PALLD: variants seen among roughly 807,000 people sequenced by gnomAD.
The protein encoded by PALLD is palladin.
Under a neutral mutation model 123.5 loss-of-function variants are expected in PALLD, and 61 were observed. That is an observed-to-expected ratio of 0.49 (90% confidence interval 0.40 to 0.61). The LOEUF is 0.61. Among genes scored for constraint, PALLD ranks in the 20% least tolerant of loss-of-function variants. The pLI is 0.00. For synonymous variants in PALLD, 465 were observed against 496.4 expected, an observed-to-expected ratio of 0.94 and a Z score of 0.84; for missense variants, 1,273 against 1,377.0, an observed-to-expected ratio of 0.92 and a Z score of 1.20.
At chr4:168,822,450 G>A (rs1742861673) in intron 10 of PALLD, among the ~76,000 whole-genome samples, 1 of 152,158 alleles carries the variant, frequency 6.6e-6, no homozygotes, top group Non-Finnish European at 1.5e-5. Flanking sequence ...CTGTGTAAAG[G>A]AGAGACTGGG....
intron 10 of PALLD, among the ~76,000 whole-genome samples, chr4:168,788,636 C>T (rs770060115): frequency 1.3e-4 from 20 of 152,028 alleles, no homozygotes; most frequent in Admixed American, 2.6e-4. Context: ...GGGTGATAAT[C>T]ATGTGTCATG....
intron 10 of PALLD, among the ~76,000 whole-genome samples, chr4:168,734,018 G>A (rs910895723): frequency 6.6e-6 from 1 of 152,176 alleles, no homozygotes; most frequent in Non-Finnish European, 1.5e-5. Flanking sequence ...TACAGGCGTT[G>A]AGCCACCACG....
chr4:168,529,387 T>A (rs933071679), intron 2 of PALLD, among the ~76,000 whole-genome samples: 3 of 151,706 alleles, frequency 2.0e-5, no homozygotes, highest in African/African-American at 7.3e-5. Context: ...ACTCCCTCCC[T>A]CAGTCATGTA....
chr4:168,522,738 T>C (rs1211625335), intron 2 of PALLD, among the ~76,000 whole-genome samples: 2 of 152,194 alleles, frequency 1.3e-5, no homozygotes, highest in African/African-American at 4.8e-5. Flanking sequence ...GTTCTACCAG[T>C]TGGTGTTTGA....
At chr4:168,870,278 C>A (rs1202805254) in intron 10 of PALLD, among the ~76,000 whole-genome samples, 1 of 152,152 alleles carries the variant, frequency 6.6e-6, no homozygotes, top group Non-Finnish European at 1.5e-5. Context: ...TTTTGAGACA[C>A]ACAAAACCTA....
chr4:168,673,975 C>T (rs372913543), intron 3 of PALLD, among the ~76,000 whole-genome samples: 3 of 151,938 alleles, frequency 2.0e-5, no homozygotes, highest in East Asian at 1.9e-4. Flanking sequence ...AGTGTAATGC[C>T]GCGATCTCGG....
intron 10 of PALLD, among the ~76,000 whole-genome samples, chr4:168,728,440 A>G (rs929986295): frequency 5.9e-5 from 9 of 152,130 alleles, no homozygotes; most frequent in Non-Finnish European, 1.3e-4. Flanking sequence ...CTGTATTCCT[A>G]GGTATTTTAT....
intron 10 of PALLD, among the ~76,000 whole-genome samples, chr4:168,807,990 G>A (rs113364889): frequency 0.21 from 32,343 of 151,888 alleles, 3,495 homozygotes; most frequent in South Asian, 0.28. Flanking sequence ...ACAGGTGTGA[G>A]CCACTGTGCC....
chr4:168,748,713 G>T (rs1189900840), intron 10 of PALLD, among the ~76,000 whole-genome samples: 1 of 152,130 alleles, frequency 6.6e-6, no homozygotes, highest in Non-Finnish European at 1.5e-5. Context: ...GTTATTAGCA[G>T]AGTGCATTTC....
intron 1 of PALLD, among the ~76,000 whole-genome samples, chr4:168,509,157 A>G (rs183449230): frequency 2.0e-4 from 30 of 152,280 alleles, no homozygotes; most frequent in African/African-American, 7.0e-4. Context: ...TGCAAATTAT[A>G]CTGGTGCATA....
chr4:168,562,449 T>A (rs1767962099), intron 2 of PALLD, among the ~76,000 whole-genome samples: 1 of 152,242 alleles, frequency 6.6e-6, no homozygotes, highest in Non-Finnish European at 1.5e-5. Context: ...CAAGTTTATG[T>A]GCTGGCAAGA....
chr4:168,814,607 C>A (rs111974915), intron 10 of PALLD, among the ~76,000 whole-genome samples: 1 of 152,308 alleles, frequency 6.6e-6, no homozygotes, highest in African/African-American at 2.4e-5. Flanking sequence ...GAGTGCAGGT[C>A]TCTAAGCCAA....
intron 6 of PALLD, among the ~76,000 whole-genome samples, chr4:168,689,192 T>G (rs1158911291): frequency 6.6e-6 from 1 of 152,218 alleles, no homozygotes; most frequent in East Asian, 1.9e-4. Flanking sequence ...GCCAATGTCA[T>G]AGGTTTTAGA....
At chr4:168,568,769 A>G (rs979778041) in intron 2 of PALLD, among the ~76,000 whole-genome samples, 1 of 150,432 alleles carries the variant, frequency 6.6e-6, no homozygotes, top group Non-Finnish European at 1.5e-5. Flanking sequence ...TTATATGTAA[A>G]TATTTATATA....
At position 168,635,229 on chromosome 4, in the gene PALLD, A is replaced by G. The variant is rs142573590; in HGVS notation, c.909-32961A>G. ...TTTTGCTCAACCTCCTAAGGGTTCAATATACCCTACGATTAATAATGGGGC... is the reference window on the plus strand; with the variant it reads ...TTTTGCTCAACCTCCTAAGGGTTCAGTATACCCTACGATTAATAATGGGGC... On this transcript the variant is annotated intron_variant, in intron 2 of 21. Coordinates refer to ENST00000505667, the MANE Select transcript of PALLD (RefSeq NM_001166108.2). Among the ~76,000 whole-genome samples, 264 of 152,322 alleles carry G rather than the reference A, an allele frequency of 1.7e-3. 1 individual carries two copies. Among genetic ancestry groups the G allele is most frequent in the African/African-American group, 4.1e-3 (172 of 41,576 alleles).
At chr4:168,903,572 T>C (rs558242075) in intron 14 of PALLD, among the ~76,000 whole-genome samples, 185 bp from the exon 15 acceptor site, 10 of 152,270 alleles carry the variant, frequency 6.6e-5, no homozygotes, top group Non-Finnish European at 1.2e-4. Flanking sequence ...AAAACTCAAA[T>C]AGAATTTAAA....
intron 10 of PALLD, among the ~76,000 whole-genome samples, chr4:168,842,867 C>G (rs1302499864): frequency 6.6e-6 from 1 of 152,184 alleles, no homozygotes; most frequent in Non-Finnish European, 1.5e-5. Flanking sequence ...TCTCAGACAT[C>G]AGTAAGGGCC....
intron 10 of PALLD, among the ~76,000 whole-genome samples, chr4:168,842,463 T>C (rs883796): frequency 0.14 from 20,233 of 149,338 alleles, 1,414 homozygotes; most frequent in South Asian, 0.18. Context: ...TGGAGTCAAG[T>C]GTAGAAATGT....
intron 10 of PALLD, among the ~76,000 whole-genome samples, chr4:168,786,575 T>A (rs952018481): frequency 1.3e-5 from 2 of 151,912 alleles, no homozygotes; most frequent in Non-Finnish European, 2.9e-5. Context: ...GAGGCTGAGG[T>A]GGGAGGATAG....
Sources: gnomAD v4.1 joint callset for allele counts (sites outside exome capture counted in the v4.1 genomes callset) on GRCh38, gnomAD v4.1.1 for gene constraint, MANE v1.5 for transcripts, NCBI Gene and HGNC (gene_info 2026-07-23, HGNC 2026-07-21) for gene names.